The following RFX3 variants were observed in gnomAD, a reference collection of about 807,000 sequenced individuals.
RFX3 encodes regulatory factor X3, also known as transcription factor RFX3.
Under a neutral mutation model 98.6 loss-of-function variants are expected in RFX3, and 14 were observed. The observed-to-expected ratio is 0.14, with a 90% CI of 0.09 to 0.22. The LOEUF (loss-of-function observed/expected upper bound fraction) is 0.22. RFX3 is among the 10% of genes least tolerant of loss of function. The pLI is 1.00. For missense variants in RFX3, 639 were observed against 926.9 expected (o/e 0.69, Z 4.03); for synonymous variants, 383 against 328.4 (o/e 1.17, Z -1.80).
intron 1 of RFX3, among the ~76,000 whole-genome samples, chr9:3,430,456 A>G (rs983420928): frequency 1.3e-5 from 2 of 152,228 alleles, no homozygotes; most frequent in African/African-American, 4.8e-5. Context: ...AAGTCTTAGC[A>G]ATCTTCAAAA....
chr9:3,523,522 A>T (rs1032009709), intron 1 of RFX3, among the ~76,000 whole-genome samples: 1 of 152,228 alleles, frequency 6.6e-6, no homozygotes, highest in Non-Finnish European at 1.5e-5. Context: ...TGAAAATCTA[A>T]ATCACAGAAA....
At chr9:3,427,263 T>C (rs1276845443) in intron 1 of RFX3, among the ~76,000 whole-genome samples, 2 of 143,430 alleles carry the variant, frequency 1.4e-5, no homozygotes, top group African/African-American at 2.5e-5. Context: ...TATAATACTA[T>C]ATATATATTT....
At chr9:3,399,670 G>A (rs1198823744) in intron 1 of RFX3, among the ~76,000 whole-genome samples, 1 of 151,822 alleles carries the variant, frequency 6.6e-6, no homozygotes, top group Non-Finnish European at 1.5e-5. Flanking sequence ...TTTTTGAGGG[G>A]GCCGGGGGCA....
intron 3 of RFX3, among the ~76,000 whole-genome samples, chr9:3,337,853 CAG>C (rs1368161946): frequency 6.6e-6 from 1 of 152,166 alleles, no homozygotes; most frequent in African/African-American, 2.4e-5. Flanking sequence ...CTGCCTTAAA[CAG>C]TTTCAAATTA....
At chr9:3,413,424 C>CTA (rs1260027382) in intron 1 of RFX3, among the ~76,000 whole-genome samples, 4 of 152,032 alleles carry the variant, frequency 2.6e-5, no homozygotes, top group Non-Finnish European at 5.9e-5. Context: ...GAACATCATA[C>CTA]TATAGCTTAT....
chr9:3,299,838 C>T (rs1828433114), intron 5 of RFX3, among the ~76,000 whole-genome samples: 1 of 151,586 alleles, frequency 6.6e-6, no homozygotes, highest in Admixed American at 6.6e-5. Flanking sequence ...TCTTATACTT[C>T]CATTATTGTT....
At chr9:3,479,330 A>G (rs921441278) in intron 1 of RFX3, among the ~76,000 whole-genome samples, 1 of 152,162 alleles carries the variant, frequency 6.6e-6, no homozygotes, top group African/African-American at 2.4e-5. Context: ...GAAGTTGATC[A>G]AGTTCTGTAA....
chr9:3,281,249 G>A (rs1825879003), intron 7 of RFX3, among the ~76,000 whole-genome samples: 2 of 150,928 alleles, frequency 1.3e-5, no homozygotes, highest in Admixed American at 1.3e-4. Flanking sequence ...AACATGACTT[G>A]TAGATTTTCT....
At chr9:3,305,453 T>C (rs1829172143) in intron 4 of RFX3, among the ~76,000 whole-genome samples, 1 of 151,924 alleles carries the variant, frequency 6.6e-6, no homozygotes, top group Non-Finnish European at 1.5e-5. Context: ...GTGGATTGAA[T>C]AGAAGCTCTG....
At chr9:3,486,623 C>T (rs954337901) in intron 1 of RFX3, among the ~76,000 whole-genome samples, 4 of 152,090 alleles carry the variant, frequency 2.6e-5, no homozygotes, top group Non-Finnish European at 1.5e-5. Context: ...CAACTAAATG[C>T]TCAAAGACCA....
rs573919223 is a variant in RFX3, at chr9:3,424,016, A to G, written c.-8-28420T>C. On this transcript the variant is annotated intron_variant, in intron 1 of 16. Coordinates refer to ENST00000617270, the MANE Select transcript of RFX3 (RefSeq NM_001282116.2). ...CAAAAAATTAGCCGGGCGTGGTGGC[A>G]GGTGCCTGTAGTCCCAGCTACTCGG... is the stretch of plus-strand genomic sequence containing the variant. Among the ~76,000 whole-genome samples the G allele has an allele frequency of 1.1e-3, 159 of 151,312 alleles. 1 individual carries two copies. In the East Asian group the frequency reaches 0.011, roughly 10 times the overall value.
rs1260261075 is a variant in RFX3, at chr9:3,504,379, TACCACATA to T, written c.-9+21360_-9+21367del. 6.0e-4 allele frequency among the ~76,000 whole-genome samples: 82 copies of T among 136,698 alleles called. 3 individuals carry two copies. Among genetic ancestry groups the T allele is most frequent in the Non-Finnish European group, 9.5e-4 (63 of 66,040 alleles). 89.7% of individuals were successfully genotyped at this position (136,698 alleles called of 152,430 possible). A position where few individuals can be genotyped will look rare whatever the true frequency, so the allele number is the denominator to read the frequency against. On this transcript the variant is annotated intron_variant, in intron 1 of 16. Coordinates refer to ENST00000617270, the MANE Select transcript of RFX3 (RefSeq NM_001282116.2). Reference sequence around the variant, plus strand: ...TATTGTATATAAAATATATATTATATACCACATAGCATATATTGTATATAAAATATATA... The same window carrying T: ...TATTGTATATAAAATATATATTATATGCATATATTGTATATAAAATATATA...
At chr9:3,317,653 G>T (rs1320480272) in intron 4 of RFX3, among the ~76,000 whole-genome samples, 1 of 152,148 alleles carries the variant, frequency 6.6e-6, no homozygotes, top group Non-Finnish European at 1.5e-5. Flanking sequence ...AATCTACAAA[G>T]AACTTAAAAC....
chr9:3,260,035 T>C (rs1478475154), intron 13 of RFX3, among the ~76,000 whole-genome samples: 1 of 151,970 alleles, frequency 6.6e-6, no homozygotes, highest in Non-Finnish European at 1.5e-5. Context: ...TGGGAAAATC[T>C]GGCAAAACTA....
At chr9:3,284,263 T>C (rs896549937) in intron 7 of RFX3, among the ~76,000 whole-genome samples, 2 of 151,732 alleles carry the variant, frequency 1.3e-5, no homozygotes, top group Admixed American at 6.6e-5. Context: ...TGTACTTCTT[T>C]TCATTATCAA....
intron 2 of RFX3, among the ~76,000 whole-genome samples, chr9:3,383,034 TTTTAAA>T (rs1166377766): frequency 3.3e-5 from 5 of 152,180 alleles, no homozygotes; most frequent in African/African-American, 1.2e-4. Flanking sequence ...AAGTTATTTA[TTTTAAA>T]ATGTTCTTCT....
At chr9:3,328,718 A>C (rs1832218106) in intron 4 of RFX3, among the ~76,000 whole-genome samples, 1 of 152,210 alleles carries the variant, frequency 6.6e-6, no homozygotes, top group Admixed American at 6.5e-5. Context: ...AAGTAGGAAC[A>C]CATGAAATTA....
At chr9:3,511,350 A>G (rs1291165548) in intron 1 of RFX3, among the ~76,000 whole-genome samples, 1 of 152,000 alleles carries the variant, frequency 6.6e-6, no homozygotes, top group Non-Finnish European at 1.5e-5. Context: ...TACATGAATA[A>G]CGATTTTTTT....
chr9:3,295,428 G>A (rs1827874323), intron 5 of RFX3, among the ~76,000 whole-genome samples: 3 of 151,984 alleles, frequency 2.0e-5, no homozygotes, highest in Admixed American at 2.0e-4. Context: ...ACAGAGCAAG[G>A]GTTGACCACC....
Sources: allele counts gnomAD v4.1 joint callset (sites outside exome capture counted in the v4.1 genomes callset), GRCh38; gene constraint gnomAD v4.1.1; transcripts MANE v1.5; gene names NCBI Gene and HGNC (gene_info 2026-07-23, HGNC 2026-07-21).